PRDM15: variants seen among roughly 807,000 people sequenced by gnomAD.
PRDM15 encodes PR/SET domain 15, also known as PR domain zinc finger protein 15.
A neutral mutation model predicts 128.6 loss-of-function variants in PRDM15; 64 were observed. The ratio of observed to expected loss-of-function variants is 0.50; its 90% CI spans 0.41 to 0.61. PRDM15 has a LOEUF of 0.61. PRDM15 is among the 20% of genes least tolerant of loss of function. PRDM15 has a pLI of 0.00. For synonymous variants in PRDM15, 615 were observed against 621.8 expected (o/e 0.99, Z 0.16); for missense variants, 1,242 against 1,569.1 (o/e 0.79, Z 3.52).
At chr21:41,858,977 C>G in intron 3 of PRDM15, 15 of 1,368,428 alleles carry the variant, frequency 1.1e-5, no homozygotes, top group Non-Finnish European at 1.5e-5. Context: ...CGGGAACTGC[C>G]ATCCTCTACA....
chr21:41,846,077 A>C (rs1004844014), intron 6 of PRDM15, among the ~76,000 whole-genome samples: 2 of 152,204 alleles, frequency 1.3e-5, no homozygotes, highest in African/African-American at 4.8e-5. Flanking sequence ...AGGATGTCTC[A>C]GGAACGTGTG....
chr21:41,801,299 G>A lies in PRDM15; in HGVS notation c.3367C>T (p.Gln1123Ter). 1 of 1,566,924 alleles carries A rather than the reference G, an allele frequency of 6.4e-7. No individual in the cohort carries two copies. The highest frequency in any genetic ancestry group is 8.7e-7 in the Non-Finnish European group (1 of 1,154,480). The change falls in exon 24 of 24, where the codon CAG (glutamine) becomes TAG (stop). Residue 1123 changes from glutamine (Q) to a stop codon, truncating the protein, a stop_gained. Transcript: ENST00000398548. LOFTEE classifies it high-confidence loss of function. The part of the protein sequence containing the change: ...PPSQPQAPPQ[Q>*]AAQPQVQAEQ... ...GCCTGCACCTGGGGCTGGGCCGCCTGCTGTGGGGGTGCCTGCGGCTGCGAG... is the reference window on the plus strand; with the variant it reads ...GCCTGCACCTGGGGCTGGGCCGCCTACTGTGGGGGTGCCTGCGGCTGCGAG...
intron 1 of PRDM15, among the ~76,000 whole-genome samples, chr21:41,860,672 C>T (rs924957629): frequency 2.0e-5 from 3 of 152,196 alleles, no homozygotes; most frequent in African/African-American, 7.2e-5. Flanking sequence ...CCGCCTGCCT[C>T]GGCCTCTGAA....
intron 1 of PRDM15, among the ~76,000 whole-genome samples, 164 bp from the exon 2 acceptor site, chr21:41,860,536 C>A (rs2063779802): frequency 6.6e-6 from 1 of 152,210 alleles, no homozygotes; most frequent in Non-Finnish European, 1.5e-5. Flanking sequence ...GATTCTCCTG[C>A]CTCAGCCTCC....
chr21:41,834,591 C>T, intron 11 of PRDM15: 4 of 1,536,738 alleles, frequency 2.6e-6, no homozygotes, highest in Non-Finnish European at 3.5e-6. Flanking sequence ...ACAAAGGCAA[C>T]AGTGACTCAC....
At chr21:41,846,082 C>T (rs974961790) in intron 6 of PRDM15, among the ~76,000 whole-genome samples, 2 of 152,190 alleles carry the variant, frequency 1.3e-5, no homozygotes, top group South Asian at 2.1e-4. Context: ...GTCTCAGGAA[C>T]GTGTGACCAG....
At chr21:41,869,040 A>G (rs2064119009) in intron 1 of PRDM15, among the ~76,000 whole-genome samples, 1 of 152,020 alleles carries the variant, frequency 6.6e-6, no homozygotes, top group Non-Finnish European at 1.5e-5. Context: ...GTTGTGCTTG[A>G]GAGTTCCTTA....
At chr21:41,871,534 AG>A (rs1326580707) in intron 1 of PRDM15, 7 of 1,610,826 alleles carry the variant, frequency 4.3e-6, no homozygotes, top group Non-Finnish European at 5.9e-6. Flanking sequence ...CTGCACTCGC[AG>A]GGCTCAGTGG....
chr21:41,857,466 G>T, intron 3 of PRDM15, 137 bp from the exon 4 acceptor site: 1 of 909,946 alleles, frequency 1.1e-6, no homozygotes, highest in Non-Finnish European at 1.6e-6. Context: ...TAAAATAGAA[G>T]CCTTCCAGGC....
chr21:41,838,680 T>G (rs2062974682), intron 7 of PRDM15, among the ~76,000 whole-genome samples: 1 of 152,246 alleles, frequency 6.6e-6, no homozygotes, highest in African/African-American at 2.4e-5. Flanking sequence ...CCATCTTCTC[T>G]GCCTATTCAC....
intron 23 of PRDM15, among the ~76,000 whole-genome samples, chr21:41,802,351 C>T (rs62216221): frequency 0.085 from 12,922 of 152,180 alleles, 723 homozygotes; most frequent in Non-Finnish European, 0.13. Flanking sequence ...CCTTGCTCTC[C>T]GGCTAGTCAG....
chr21:41,864,304 A>G (rs2063924292), intron 1 of PRDM15, among the ~76,000 whole-genome samples: 1 of 152,224 alleles, frequency 6.6e-6, no homozygotes, highest in Admixed American at 6.5e-5. Flanking sequence ...AAAATGGATC[A>G]CAGTCTTAAA....
chr21:41,834,037 C>T (rs1291002628), intron 11 of PRDM15, among the ~76,000 whole-genome samples: 1 of 152,150 alleles, frequency 6.6e-6, no homozygotes. Context: ...GGACTGTGCC[C>T]CAGGTTTCTT....
rs976345999 is a variant in PRDM15, at chr21:41,802,406, G to A, written c.2943+306C>T. On this transcript the variant is annotated intron_variant, in intron 23 of 23. Transcript: ENST00000398548. ...TTTCACCATAAGGGCACTTGGGTAG[G>A]CCACCCGTGACCTCCCCAAACTGCA... Among the ~76,000 whole-genome samples the A allele has an allele frequency of 2.6e-5, 4 of 152,144 alleles. No homozygotes were observed. In the South Asian group the frequency reaches 8.3e-4, roughly 32 times the overall value.
chr21:41,832,666 G>A lies in PRDM15; in HGVS notation c.1366+2771C>T. 6.6e-6 allele frequency among the ~76,000 whole-genome samples: 1 copy of A among 152,048 alleles called. No homozygotes were observed. The highest frequency in any genetic ancestry group is 1.9e-4 in the East Asian group (1 of 5,182). On this transcript the variant is annotated intron_variant, in intron 11 of 23. Coordinates refer to ENST00000398548, the MANE Select transcript of PRDM15 (RefSeq NM_001040424.3). This position sits in a 1 kb window ranked among gnomAD's most constrained non-coding sequence, Gnocchi z 4.2. Reference sequence around the variant, plus strand: ...GGCAGGTGCTAAAGAGCACAGGTGAGCCTCCTTCCCAGGCAGGTACCAACC... The same window carrying A: ...GGCAGGTGCTAAAGAGCACAGGTGAACCTCCTTCCCAGGCAGGTACCAACC...
chr21:41,879,189 C>G lies in PRDM15; in HGVS notation c.-10+81G>C. On this transcript the variant is annotated intron_variant, in intron 1 of 23. Coordinates refer to ENST00000398548, the MANE Select transcript of PRDM15 (RefSeq NM_001040424.3). This position sits in a 1 kb window ranked among gnomAD's most constrained non-coding sequence, Gnocchi z 5.1. ...GCAGCGGGCCCAGGGCGCGCCGGGG[C>G]TCGCGGGGGCAGCGGGTGCGGCCCG... 1.3e-6 allele frequency: 1 copy of G among 795,710 alleles called. No individual in the cohort carries two copies. The highest frequency in any genetic ancestry group is 5.5e-5 in the South Asian group (1 of 18,054). The allele number at this position is 795,710 out of a possible 1,614,324, so 49.3% of individuals were successfully genotyped here. A position where few individuals can be genotyped will look rare whatever the true frequency, so the allele number is the denominator to read the frequency against.
intron 1 of PRDM15, chr21:41,871,596 T>G: frequency 6.2e-7 from 1 of 1,611,466 alleles, no homozygotes; most frequent in Non-Finnish European, 8.5e-7. Flanking sequence ...AGCTGCTCAC[T>G]GACCCTCTGG....
intron 1 of PRDM15, among the ~76,000 whole-genome samples, chr21:41,876,395 A>C (rs2064416406): frequency 6.6e-6 from 1 of 152,192 alleles, no homozygotes; most frequent in East Asian, 1.9e-4. Context: ...GGGCTTGGTC[A>C]CAGCAGAGTC....
At chr21:41,838,715 G>C (rs1247660518) in intron 7 of PRDM15, among the ~76,000 whole-genome samples, 1 of 152,214 alleles carries the variant, frequency 6.6e-6, no homozygotes, top group Non-Finnish European at 1.5e-5. Flanking sequence ...ACTGGCCAGG[G>C]GGCTTTCAGG....
Sources: gnomAD v4.1 joint callset for allele counts (sites outside exome capture counted in the v4.1 genomes callset) on GRCh38, gnomAD v4.1.1 for gene constraint, Gnocchi (gnomAD v3.1) non-coding constraint, MANE v1.5 for transcripts, NCBI Gene and HGNC (gene_info 2026-07-23, HGNC 2026-07-21) for gene names.